Variants in IGSF21 observed in about 807,000 individuals in gnomAD.
The protein encoded by IGSF21 is immunoglobulin superfamily member 21.
Under a neutral mutation model 46.8 loss-of-function variants are expected in IGSF21, and 28 were observed. The observed-to-expected ratio is 0.60, with a 90% CI of 0.44 to 0.82. IGSF21 has a LOEUF of 0.82. Among genes scored for constraint, IGSF21 ranks in the 40% least tolerant of loss-of-function variants. The probability of loss-of-function intolerance (pLI) is 0.00; values close to 1 mark genes in which losing one functional copy is unlikely to be tolerated. For missense variants in IGSF21, 624 were observed against 665.5 expected (o/e 0.94, Z 0.69); for synonymous variants, 284 against 273.6 (o/e 1.04, Z -0.38).
rs2124606680 is a variant in IGSF21, at chr1:18,335,513, G to A, written c.424+503G>A. On this transcript the variant is annotated intron_variant, in intron 4 of 9. Coordinates refer to ENST00000251296, the MANE Select transcript of IGSF21 (RefSeq NM_032880.5). The surrounding 1 kb of genome is among the most constrained non-coding windows in gnomAD (Gnocchi z 4.8). ...GTAATAATACTGGTGTCTGTCTCTAGCTGGCTGGGTCCTTGGGTAAGTCTA... is the reference window on the plus strand; with the variant it reads ...GTAATAATACTGGTGTCTGTCTCTAACTGGCTGGGTCCTTGGGTAAGTCTA... Among the ~76,000 whole-genome samples the A allele has an allele frequency of 6.6e-6, 1 of 152,284 alleles. No homozygotes were observed. Among genetic ancestry groups the A allele is most frequent in the Non-Finnish European group, 1.5e-5 (1 of 68,034 alleles).
chr1:18,134,110 A>C (rs1235551140), intron 1 of IGSF21, among the ~76,000 whole-genome samples: 1 of 152,100 alleles, frequency 6.6e-6, no homozygotes, highest in East Asian at 1.9e-4. Context: ...CACCTAGGAG[A>C]GTGGCTTACC....
Position 18,251,405 on chromosome 1 carries a change from G to A in IGSF21, c.183+23395G>A, listed in dbSNP as rs116227214. On this transcript the variant is annotated intron_variant, in intron 2 of 9. Coordinates refer to ENST00000251296, the MANE Select transcript of IGSF21 (RefSeq NM_032880.5). Reference sequence around the variant, plus strand: ...CAACAAAGGTTTATTTCTTATTCACGGAAAGTTGGATATGAGTCTGGCAAA... The same window carrying A: ...CAACAAAGGTTTATTTCTTATTCACAGAAAGTTGGATATGAGTCTGGCAAA... Among the ~76,000 whole-genome samples, 403 of 152,212 alleles carry A rather than the reference G, an allele frequency of 2.6e-3. 1 individual carries two copies. Among genetic ancestry groups the A allele is most frequent in the African/African-American group, 8.7e-3 (362 of 41,520 alleles).
chr1:18,285,764 C>T (rs1209437240), intron 2 of IGSF21, among the ~76,000 whole-genome samples: 1 of 152,154 alleles, frequency 6.6e-6, no homozygotes, highest in Non-Finnish European at 1.5e-5. Context: ...GACCAACCTC[C>T]CTACTTCGGA....
chr1:18,267,653 C>G (rs2085002684), intron 2 of IGSF21, among the ~76,000 whole-genome samples: 2 of 152,232 alleles, frequency 1.3e-5, no homozygotes, highest in Non-Finnish European at 2.9e-5. Flanking sequence ...GGACCTGGGA[C>G]TTTCCCAGAC....
intron 1 of IGSF21, among the ~76,000 whole-genome samples, chr1:18,192,084 C>T (rs2086963092): frequency 6.6e-6 from 1 of 152,216 alleles, no homozygotes; most frequent in African/African-American, 2.4e-5. Context: ...CCAGCCTTCC[C>T]CAGCACTGGC....
At chr1:18,169,554 G>A (rs570579469) in intron 1 of IGSF21, among the ~76,000 whole-genome samples, 11 of 152,276 alleles carry the variant, frequency 7.2e-5, no homozygotes, top group Non-Finnish European at 1.5e-4. Flanking sequence ...GGCTGCTTCC[G>A]CCCCATGTGA....
chr1:18,216,983 G>T (rs560843724), intron 1 of IGSF21, among the ~76,000 whole-genome samples: 1 of 152,132 alleles, frequency 6.6e-6, no homozygotes, highest in African/African-American at 2.4e-5. Context: ...GTGGTAGTGC[G>T]TGGAGCTCCT....
chr1:18,164,534 C>T (rs994492385), intron 1 of IGSF21, among the ~76,000 whole-genome samples: 2 of 152,116 alleles, frequency 1.3e-5, no homozygotes, highest in African/African-American at 4.8e-5. Flanking sequence ...ACCCTGTTCT[C>T]CCACAGGCTT....
rs916644280 is a variant in IGSF21, at chr1:18,337,368, A to G, written c.424+2358A>G. On this transcript the variant is annotated intron_variant, in intron 4 of 9. Coordinates refer to ENST00000251296, the MANE Select transcript of IGSF21 (RefSeq NM_032880.5). The surrounding 1 kb of genome is among the most constrained non-coding windows in gnomAD (Gnocchi z 5.7). Reference sequence around the variant, plus strand: ...AGTAGATAAAGTTTGCAGAACGCCTACCTCATCAAGAATATCATTGAAGAG... The same window carrying G: ...AGTAGATAAAGTTTGCAGAACGCCTGCCTCATCAAGAATATCATTGAAGAG... 3.9e-5 allele frequency among the ~76,000 whole-genome samples: 6 copies of G among 152,144 alleles called. No individual in the cohort carries two copies. Among genetic ancestry groups the G allele is most frequent in the African/African-American group, 1.4e-4 (6 of 41,426 alleles).
rs376437205 is a variant in IGSF21, at chr1:18,143,565, T to C, written c.70+35367T>C. 3.9e-5 allele frequency among the ~76,000 whole-genome samples: 6 copies of C among 152,128 alleles called. No homozygotes were observed. In the East Asian group the frequency reaches 5.8e-4, roughly 15 times the overall value. Reference sequence around the variant, plus strand: ...CCAGCTCCCCACACCACAGACGCCTTGTGGGGGTGGATGAAGTCTTGCTGG... The same window carrying C: ...CCAGCTCCCCACACCACAGACGCCTCGTGGGGGTGGATGAAGTCTTGCTGG... On this transcript the variant is annotated intron_variant, in intron 1 of 9. Coordinates refer to ENST00000251296, the MANE Select transcript of IGSF21 (RefSeq NM_032880.5).
intron 1 of IGSF21, among the ~76,000 whole-genome samples, chr1:18,143,273 T>C (rs1332617326): frequency 6.6e-6 from 1 of 152,162 alleles, no homozygotes; most frequent in Non-Finnish European, 1.5e-5. Flanking sequence ...AGGACTTCTG[T>C]GTGCTATCCC....
At chr1:18,233,561 A>C (rs2084647343) in intron 2 of IGSF21, among the ~76,000 whole-genome samples, 1 of 152,190 alleles carries the variant, frequency 6.6e-6, no homozygotes, top group Non-Finnish European at 1.5e-5. Flanking sequence ...AGCTTAAATG[A>C]GATAATGTCT....
intron 1 of IGSF21, among the ~76,000 whole-genome samples, chr1:18,151,411 T>C (rs9661686): frequency 0.086 from 13,160 of 152,244 alleles, 773 homozygotes; most frequent in East Asian, 0.16. Flanking sequence ...GGTTCCCCGC[T>C]GGATCCTCTG....
intron 1 of IGSF21, among the ~76,000 whole-genome samples, chr1:18,210,859 C>CTTTAT (rs1230081196): frequency 5.3e-5 from 8 of 152,060 alleles, no homozygotes; most frequent in South Asian, 4.1e-4. Flanking sequence ...TGAACCATCT[C>CTTTAT]TTTATTTTAT....
intron 4 of IGSF21, among the ~76,000 whole-genome samples, chr1:18,342,248 C>A (rs1436150121): frequency 6.6e-6 from 1 of 152,054 alleles, no homozygotes; most frequent in African/African-American, 2.4e-5. Flanking sequence ...CATACACCAC[C>A]ATGCCTGGCT....
intron 2 of IGSF21, among the ~76,000 whole-genome samples, chr1:18,240,479 G>GT (rs1480081663): frequency 1.3e-5 from 2 of 152,192 alleles, no homozygotes; most frequent in Admixed American, 6.5e-5. Flanking sequence ...GAGATGAACT[G>GT]TAATAGTTGA....
intron 1 of IGSF21, among the ~76,000 whole-genome samples, chr1:18,169,278 A>C (rs1340153386): frequency 1.3e-5 from 2 of 152,342 alleles, no homozygotes; most frequent in Admixed American, 1.3e-4. Context: ...ATCCAGTGTC[A>C]GGTCCTGAGG....
At chr1:18,325,889 T>C (rs990416938) in intron 3 of IGSF21, among the ~76,000 whole-genome samples, 4 of 152,126 alleles carry the variant, frequency 2.6e-5, no homozygotes, top group South Asian at 2.1e-4. Flanking sequence ...CAGCCGGGGA[T>C]AGGCAGCAGC....
chr1:18,201,397 C>T lies in IGSF21; in HGVS notation c.71-26501C>T, dbSNP rs559812222. Among the ~76,000 whole-genome samples the T allele has an allele frequency of 5.3e-5, 8 of 152,336 alleles. 1 individual carries two copies. The South Asian group carries it at 1.7e-3, about 32-fold the overall frequency. ...AGAATCGTGGCTCCAAGGGCTAATC[C>T]AGCAGCAAACACATTTCAAAGTTTT... On this transcript the variant is annotated intron_variant, in intron 1 of 9. Transcript: ENST00000251296.
Sources: gnomAD v4.1 joint callset for allele counts (sites outside exome capture counted in the v4.1 genomes callset) on GRCh38, gnomAD v4.1.1 for gene constraint, Gnocchi (gnomAD v3.1) non-coding constraint, MANE v1.5 for transcripts, NCBI Gene and HGNC (gene_info 2026-07-23, HGNC 2026-07-21) for gene names.